ASIC4: variants seen among roughly 807,000 people sequenced by gnomAD.
The protein encoded by ASIC4 is acid-sensing ion channel 4.
ASIC4 carries 28 observed loss-of-function variants against 53.4 expected under a neutral mutation model. The observed-to-expected ratio is 0.52, with a 90% CI of 0.39 to 0.72. The LOEUF is 0.72. Among genes scored for constraint, ASIC4 ranks in the 30% least tolerant of loss-of-function variants. ASIC4 has a pLI of 0.00. For missense variants in ASIC4, 649 were observed against 729.7 expected, an observed-to-expected ratio of 0.89 and a Z score of 1.27; for synonymous variants, 289 against 301.4, an observed-to-expected ratio of 0.96 and a Z score of 0.43.
chr2:219,523,110 G>C (rs1245052679), intron 1 of ASIC4, among the ~76,000 whole-genome samples: 1 of 151,004 alleles, frequency 6.6e-6, no homozygotes, highest in Non-Finnish European at 1.5e-5. Context: ...CTTGTCTCCT[G>C]AACTCCCGCC....
intron 1 of ASIC4, among the ~76,000 whole-genome samples, chr2:219,528,666 A>T (rs1474403804): frequency 6.6e-6 from 1 of 151,998 alleles, no homozygotes; most frequent in African/African-American, 2.4e-5. Flanking sequence ...CAGCCTCCTG[A>T]GTAGCTGGGA....
rs1694821551 is a variant in ASIC4 at position 219,517,886 on chromosome 2, C to A, written c.582+2580C>A. Among the ~76,000 whole-genome samples, 1 of 152,014 alleles carries A rather than the reference C, an allele frequency of 6.6e-6. No individual in the cohort carries two copies. The highest frequency in any genetic ancestry group is 1.5e-5 in the Non-Finnish European group (1 of 67,998). Reference sequence around the variant, plus strand: ...CTGTTATGTGTTTTCTGTTGCTTTCCCTGTTTCCTCCTTCCCACTCCCCAC... The same window carrying A: ...CTGTTATGTGTTTTCTGTTGCTTTCACTGTTTCCTCCTTCCCACTCCCCAC... On this transcript the variant is annotated intron_variant, in intron 1 of 9. Transcript: ENST00000358078. This position sits in a 1 kb window ranked among gnomAD's most constrained non-coding sequence, Gnocchi z 4.2.
upstream of ASIC4, among the ~76,000 whole-genome samples, chr2:219,509,202 G>A (rs1357113659): frequency 6.6e-6 from 1 of 152,048 alleles, no homozygotes; most frequent in Non-Finnish European, 1.5e-5. This position sits in a 1 kb window ranked among gnomAD's most constrained non-coding sequence, Gnocchi z 5.2. Context: ...AGCCATTATC[G>A]GGGGAGCAGA....
At chr2:219,508,611 G>T in the ASIC4 span, among the ~76,000 whole-genome samples, 1 of 152,036 alleles carries the variant, frequency 6.6e-6, no homozygotes, top group Non-Finnish European at 1.5e-5. Context: ...TTCTGTGCTG[G>T]GAGGGACCTA....
At chr2:219,532,857 C>T in intron 4 of ASIC4, 26 bp from the exon 5 acceptor site, 1 of 1,604,968 alleles carries the variant, frequency 6.2e-7, no homozygotes, top group Non-Finnish European at 8.5e-7. Context: ...ATCGTAGATT[C>T]CAGGAATAAT....
At position 219,518,563 on chromosome 2, in the gene ASIC4, G is replaced by A. The variant is rs115347296; in HGVS notation, c.582+3257G>A. On this transcript the variant is annotated intron_variant, in intron 1 of 9. Transcript: ENST00000358078. This position sits in a 1 kb window ranked among gnomAD's most constrained non-coding sequence, Gnocchi z 4.8. ...CTCAGTCTCATACCATCTCACTCCC[G>A]CCCATTCTACCACCTGTATGTCCCC... is the stretch of plus-strand genomic sequence containing the variant. Among the ~76,000 whole-genome samples the A allele has an allele frequency of 1.2e-3, 185 of 151,170 alleles. No individual in the cohort carries two copies. The highest frequency in any genetic ancestry group is 4.2e-3 in the African/African-American group (172 of 41,088).
At chr2:219,526,811 G>A (rs777075785) in intron 1 of ASIC4, among the ~76,000 whole-genome samples, 1 of 152,154 alleles carries the variant, frequency 6.6e-6, no homozygotes, top group Non-Finnish European at 1.5e-5. Flanking sequence ...AGCCAAGGCC[G>A]GGAGGGGCTT....
intron 1 of ASIC4, among the ~76,000 whole-genome samples, chr2:219,530,228 AG>A (rs562663240): frequency 1.1e-3 from 169 of 152,268 alleles, no homozygotes; most frequent in Admixed American, 2.9e-3. Flanking sequence ...GAAGCCTGGC[AG>A]GGGGGAACTA....
chr2:219,520,181 T>C (rs73991594), intron 1 of ASIC4, among the ~76,000 whole-genome samples: 2,824 of 151,734 alleles, frequency 0.019, 96 homozygotes, highest in African/African-American at 0.064. Context: ...ACCCTCCTTC[T>C]CCACATGCTG....
intron 6 of ASIC4, among the ~76,000 whole-genome samples, chr2:219,535,689 G>A (rs1695125588): frequency 6.6e-6 from 1 of 151,982 alleles, no homozygotes; most frequent in Non-Finnish European, 1.5e-5. Flanking sequence ...CAGGCGCTGG[G>A]CATGGTGGAG....
rs569126120 is a variant in ASIC4 at position 219,536,827 on chromosome 2, G to A, written c.1230-239G>A. 5.4e-4 allele frequency among the ~76,000 whole-genome samples: 82 copies of A among 152,260 alleles called. No homozygotes were observed. Among genetic ancestry groups the A allele is most frequent in the South Asian group, 1.2e-3 (6 of 4,818 alleles). ...ACTGGCTGCTTTAGAGGAGGGAGGAGTGTTTCCTTCAGGTCCAGGAGTTGT... is the reference window on the plus strand; with the variant it reads ...ACTGGCTGCTTTAGAGGAGGGAGGAATGTTTCCTTCAGGTCCAGGAGTTGT... On this transcript the variant is annotated intron_variant, in intron 6 of 9. Coordinates refer to ENST00000358078, the MANE Select transcript of ASIC4 (RefSeq NM_018674.6). This position sits in a 1 kb window ranked among gnomAD's most constrained non-coding sequence, Gnocchi z 4.6.
At position 219,537,510 on chromosome 2, in the gene ASIC4, G is replaced by A; in HGVS notation, c.1402-122G>A. On this transcript the variant is annotated intron_variant, in intron 8 of 9. Transcript: ENST00000358078. This position sits in a 1 kb window ranked among gnomAD's most constrained non-coding sequence, Gnocchi z 4.9. ...GAAGGGGATGGGTGAGGAGGAGGAG[G>A]GTGTCCTACTGGGAGTTTGCTGTGG... is the stretch of plus-strand genomic sequence containing the variant. 1.9e-6 allele frequency: 2 copies of A among 1,036,802 alleles called. No homozygotes were observed. The highest frequency in any genetic ancestry group is 2.8e-6 in the Non-Finnish European group (2 of 702,370). The allele number at this position is 1,036,802 out of a possible 1,614,324, so 64.2% of individuals were successfully genotyped here.
Position 219,524,563 on chromosome 2 carries a change from C to T in ASIC4, c.583-7195C>T, listed in dbSNP as rs139169133. 1.7e-3 allele frequency among the ~76,000 whole-genome samples: 252 copies of T among 152,370 alleles called. 2 individuals carry two copies. Among genetic ancestry groups the T allele is most frequent in the African/African-American group, 5.7e-3 (237 of 41,580 alleles). ...AGCACTAAGTAAATATTAGTGGTTG[C>T]TATGATTTACGTACATTCTGTCTTT... On this transcript the variant is annotated intron_variant, in intron 1 of 9. Transcript: ENST00000358078.
Position 219,518,433 on chromosome 2 carries a change from G to A in ASIC4, c.582+3127G>A, listed in dbSNP as rs890732221. Among the ~76,000 whole-genome samples, 5 of 152,116 alleles carry A rather than the reference G, an allele frequency of 3.3e-5. No individual in the cohort carries two copies. The highest frequency in any genetic ancestry group is 5.9e-5 in the Non-Finnish European group (4 of 68,014). On this transcript the variant is annotated intron_variant, in intron 1 of 9. Transcript: ENST00000358078. This position sits in a 1 kb window ranked among gnomAD's most constrained non-coding sequence, Gnocchi z 4.8. ...GGCAGTTTGGAGAAGAGGGAAGAGA[G>A]GAAAGAGGAGAGGGCCCTGGGAGGT... is the stretch of plus-strand genomic sequence containing the variant.
chr2:219,535,684 G>A lies in ASIC4; in HGVS notation c.1229+360G>A, dbSNP rs140725401. ...GTGGTGGAGGCTGCCCTCAACAGGC[G>A]CTGGGCATGGTGGAGGCAGGGAGTG... On this transcript the variant is annotated intron_variant, in intron 6 of 9. Coordinates refer to ENST00000358078, the MANE Select transcript of ASIC4 (RefSeq NM_018674.6). 7.5e-3 allele frequency among the ~76,000 whole-genome samples: 1,138 copies of A among 152,008 alleles called. 16 individuals carry two copies. The highest frequency in any genetic ancestry group is 0.026 in the African/African-American group (1,057 of 41,424).
chr2:219,514,081 G>T (rs1481970675), upstream of ASIC4: 7 of 502,320 alleles, frequency 1.4e-5, no homozygotes, highest in African/African-American at 2.0e-5. Context: ...CCTTCATGGG[G>T]TGTGGGCCAG....
At chr2:219,511,242 C>T (rs970420536), upstream of ASIC4, among the ~76,000 whole-genome samples, 6 of 152,110 alleles carry the variant, frequency 3.9e-5, no homozygotes, top group Admixed American at 6.5e-5. The surrounding 1 kb of genome is among the most constrained non-coding windows in gnomAD (Gnocchi z 5.3). Flanking sequence ...TTTGAGAAAG[C>T]ACCCTTGGAA....
At chr2:219,530,921 T>A (rs1695031767) in intron 1 of ASIC4, among the ~76,000 whole-genome samples, 1 of 152,130 alleles carries the variant, frequency 6.6e-6, no homozygotes. Flanking sequence ...ATCTGAGCAC[T>A]GTGGACTGGG....
Position 219,537,344 on chromosome 2 carries a change from G to A in ASIC4, c.1401+23G>A. 3.7e-6 allele frequency: 6 copies of A among 1,605,748 alleles called. No individual in the cohort carries two copies. Among genetic ancestry groups the A allele is most frequent in the Non-Finnish European group, 5.1e-6 (6 of 1,176,380 alleles). On this transcript the variant is annotated intron_variant, in intron 8 of 9. Transcript: ENST00000358078. This position sits in a 1 kb window ranked among gnomAD's most constrained non-coding sequence, Gnocchi z 4.9. Reference sequence around the variant, plus strand: ...GAGGCAAGGGCCCTGGAGAAGGCAGGGTGGGAGTGGGGGCCGTGGGCAAAG... The same window carrying A: ...GAGGCAAGGGCCCTGGAGAAGGCAGAGTGGGAGTGGGGGCCGTGGGCAAAG...
Sources: allele counts gnomAD v4.1 joint callset (sites outside exome capture counted in the v4.1 genomes callset), GRCh38; gene constraint gnomAD v4.1.1; non-coding constraint Gnocchi (gnomAD v3.1); transcripts MANE v1.5; gene names NCBI Gene and HGNC (gene_info 2026-07-23, HGNC 2026-07-21).